The following RAB27B variants were observed in gnomAD, a reference collection of about 807,000 sequenced individuals.
The protein encoded by RAB27B is ras-related protein Rab-27B.
RAB27B carries 15 observed loss-of-function variants against 24.6 expected under a neutral mutation model. The ratio of observed to expected loss-of-function variants is 0.61; its 90% CI spans 0.41 to 0.94. The LOEUF (loss-of-function observed/expected upper bound fraction) is 0.94. Ranked by LOEUF, RAB27B falls within the 40% of genes least tolerant of loss-of-function variation. The probability of loss-of-function intolerance (pLI) is 0.00; values close to 1 mark genes in which losing one functional copy is unlikely to be tolerated. For synonymous variants in RAB27B, 105 were observed against 92.5 expected (o/e 1.14, Z -0.78); for missense variants, 261 against 266.8 (o/e 0.98, Z 0.15).
At chr18:54,837,545 G>A (rs941039535) in intron 1 of RAB27B, among the ~76,000 whole-genome samples, 17 of 152,032 alleles carry the variant, frequency 1.1e-4, no homozygotes, top group African/African-American at 4.1e-4. Context: ...AGACCTCTCA[G>A]GAGAGGTCAG....
intron 2 of RAB27B, among the ~76,000 whole-genome samples, chr18:54,775,795 T>G (rs1444326687): frequency 6.6e-6 from 1 of 152,196 alleles, no homozygotes; most frequent in Non-Finnish European, 1.5e-5. Context: ...AGCCAATTTC[T>G]AATATTCCCC....
Position 54,877,597 on chromosome 18 carries a change from A to C in RAB27B, c.12A>C (p.Gly4=), listed in dbSNP as rs375896056. The C allele has an allele frequency of 1.3e-6, 2 of 1,561,268 alleles. No homozygotes were observed. The highest frequency in any genetic ancestry group is 1.4e-5 in the African/African-American group (1 of 71,444). The change falls in exon 2 of 6, where the codon GGA becomes GGC. Residue 4 remains glycine (G), a synonymous_variant. Transcript: ENST00000262094. ...CCAAGACCATCACTATGACCGATGG[A>C]GACTATGATTATCTGATCAAACTCC... The part of the protein sequence containing the change: MTD[G]DYDYLIKLLA...
At chr18:54,730,493 G>A (rs928873014) in intron 2 of RAB27B, among the ~76,000 whole-genome samples, 7 of 151,974 alleles carry the variant, frequency 4.6e-5, no homozygotes, top group African/African-American at 1.7e-4. Flanking sequence ...TTACCTATAT[G>A]ATATGGTTTG....
chr18:54,785,928 A>G (rs1013967212), intron 2 of RAB27B, among the ~76,000 whole-genome samples: 2 of 152,330 alleles, frequency 1.3e-5, no homozygotes, highest in East Asian at 3.9e-4. Flanking sequence ...CAAAAAGGGA[A>G]ATATTGTCCA....
At chr18:54,737,630 A>G (rs867887993) in intron 2 of RAB27B, among the ~76,000 whole-genome samples, 2 of 152,190 alleles carry the variant, frequency 1.3e-5, no homozygotes, top group Admixed American at 6.6e-5. Flanking sequence ...CACTTACTGC[A>G]GTGCCTGGCA....
chr18:54,855,328 G>A (rs1167193549), intron 1 of RAB27B, among the ~76,000 whole-genome samples: 2 of 152,164 alleles, frequency 1.3e-5, no homozygotes, highest in Non-Finnish European at 2.9e-5. Flanking sequence ...TTCCTAACAG[G>A]CCACTGACCA....
chr18:54,721,204 A>G (rs1909348315), intron 2 of RAB27B, among the ~76,000 whole-genome samples: 1 of 152,182 alleles, frequency 6.6e-6, no homozygotes, highest in Admixed American at 6.6e-5. Flanking sequence ...TTGAGTGTAA[A>G]GGACACATAC....
chr18:54,819,849 C>G (rs1910247192), intron 2 of RAB27B, among the ~76,000 whole-genome samples: 1 of 150,090 alleles, frequency 6.7e-6, no homozygotes, highest in Non-Finnish European at 1.5e-5. Context: ...CAATTCCCAC[C>G]TATGAGTGAG....
In RAB27B at chr18:54,889,586, C is replaced by G. The variant is rs939466921; in HGVS notation, c.*173C>G. The G allele has an allele frequency of 3.5e-6, 2 of 577,614 alleles. No individual in the cohort carries two copies. Among genetic ancestry groups the G allele is most frequent in the Admixed American group, 7.0e-5 (2 of 28,488 alleles). The allele number at this position is 577,614 out of a possible 1,614,324, so 35.8% of individuals were successfully genotyped here. On this transcript the variant is annotated 3_prime_UTR_variant, in exon 6 of 6. Coordinates refer to ENST00000262094, the MANE Select transcript of RAB27B (RefSeq NM_004163.4). The stretch of plus-strand genomic sequence containing the variant: ...AGTCAACAGTGTTCAAAAGAATTGA[C>G]TAGTTATCCCTGAGGCCCTTTCAAA...
chr18:54,738,022 G>T (rs1415445025), intron 2 of RAB27B, among the ~76,000 whole-genome samples: 1 of 151,944 alleles, frequency 6.6e-6, no homozygotes, highest in Non-Finnish European at 1.5e-5. Context: ...TGCTGAATGG[G>T]TACAATAAAA....
upstream of RAB27B, among the ~76,000 whole-genome samples, chr18:54,825,441 T>C (rs1307163698): frequency 6.6e-6 from 1 of 151,174 alleles, no homozygotes; most frequent in African/African-American, 2.4e-5. Flanking sequence ...AAAGAAGTCT[T>C]TTCTAGAGCT....
intron 2 of RAB27B, among the ~76,000 whole-genome samples, chr18:54,795,027 T>G (rs1717592245): frequency 6.6e-6 from 1 of 152,166 alleles, no homozygotes; most frequent in African/African-American, 2.4e-5. Context: ...AGCAGTCTGG[T>G]CTGTTTCCTG....
chr18:54,852,201 T>C (rs1911614295), intron 1 of RAB27B, among the ~76,000 whole-genome samples: 1 of 152,180 alleles, frequency 6.6e-6, no homozygotes, highest in Admixed American at 6.5e-5. Flanking sequence ...CATTTCCACC[T>C]ACTCAAGATC....
chr18:54,814,605 A>G (rs1910066319), intron 2 of RAB27B, among the ~76,000 whole-genome samples: 1 of 152,208 alleles, frequency 6.6e-6, no homozygotes, highest in South Asian at 2.1e-4. Flanking sequence ...TATTTCTTAG[A>G]TTAGTTATAT....
intron 2 of RAB27B, among the ~76,000 whole-genome samples, chr18:54,786,950 T>C (rs1909105900): frequency 6.6e-6 from 1 of 152,234 alleles, no homozygotes; most frequent in South Asian, 2.1e-4. Context: ...AAAGTTCTGT[T>C]TTGCCTGTAT....
At chr18:54,835,333 C>T (rs975777399) in intron 1 of RAB27B, among the ~76,000 whole-genome samples, 16 of 152,012 alleles carry the variant, frequency 1.1e-4, no homozygotes, top group African/African-American at 3.6e-4. Context: ...AATATAGGAG[C>T]AATGCAACCT....
intron 2 of RAB27B, among the ~76,000 whole-genome samples, chr18:54,816,291 G>C (rs749349260): frequency 3.9e-5 from 6 of 152,184 alleles, no homozygotes; most frequent in Non-Finnish European, 7.3e-5. Flanking sequence ...GGTGAAATAC[G>C]ATAATAGTTG....
At chr18:54,844,966 A>G (rs1911271932) in intron 1 of RAB27B, among the ~76,000 whole-genome samples, 1 of 152,210 alleles carries the variant, frequency 6.6e-6, no homozygotes, top group Admixed American at 6.5e-5. Context: ...GAAATATGAC[A>G]TCAGGTTTCC....
intron 2 of RAB27B, among the ~76,000 whole-genome samples, chr18:54,764,144 C>A (rs1047024649): frequency 1.3e-5 from 2 of 152,150 alleles, no homozygotes; most frequent in African/African-American, 4.8e-5. Context: ...TTCCTCCTAG[C>A]TTTCCCTAGA....
Sources: gnomAD v4.1 joint callset for allele counts (sites outside exome capture counted in the v4.1 genomes callset) on GRCh38, gnomAD v4.1.1 for gene constraint, MANE v1.5 for transcripts, NCBI Gene and HGNC (gene_info 2026-07-23, HGNC 2026-07-21) for gene names.